FAM171A1: variants seen among roughly 807,000 people sequenced by gnomAD.
FAM171A1 encodes the protein family with sequence similarity 171 member A1, also known as protein FAM171A1.
FAM171A1 carries 23 observed loss-of-function variants against 74.9 expected under a neutral mutation model. The ratio of observed to expected loss-of-function variants is 0.31; its 90% confidence interval spans 0.22 to 0.44. The LOEUF (loss-of-function observed/expected upper bound fraction) is 0.44, where lower values mean the gene tolerates loss of function less well. Ranked by LOEUF, FAM171A1 falls within the 20% of genes least tolerant of loss-of-function variation. FAM171A1 has a pLI of 1.00. For missense variants in FAM171A1, 1,162 were observed against 1,159.2 expected (o/e 1.00, Z -0.03); for synonymous variants, 527 against 505.7 (o/e 1.04, Z -0.57).
intron 1 of FAM171A1, among the ~76,000 whole-genome samples, chr10:15,362,804 A>C (rs773400631): frequency 2.0e-5 from 3 of 152,222 alleles, no homozygotes; most frequent in African/African-American, 4.8e-5. Context: ...AGTGGGTTTC[A>C]TCTGAATCAA....
At chr10:15,259,990 T>C (rs955401193) in intron 3 of FAM171A1, among the ~76,000 whole-genome samples, 1 of 152,004 alleles carries the variant, frequency 6.6e-6, no homozygotes, top group African/African-American at 2.4e-5. Flanking sequence ...AACACCTGGC[T>C]AATTTTTATA....
intron 1 of FAM171A1, among the ~76,000 whole-genome samples, chr10:15,359,541 T>C (rs1019352615): frequency 1.3e-5 from 2 of 152,120 alleles, no homozygotes; most frequent in African/African-American, 4.8e-5. Context: ...CCTCGACATT[T>C]TAGCTGGGCA....
chr10:15,296,606 A>G (rs1835163836), intron 1 of FAM171A1, among the ~76,000 whole-genome samples: 1 of 152,226 alleles, frequency 6.6e-6, no homozygotes, highest in Non-Finnish European at 1.5e-5. Context: ...TACGCTGGGC[A>G]CTAGAACCCC....
intron 1 of FAM171A1, among the ~76,000 whole-genome samples, chr10:15,347,818 G>C (rs1450136169): frequency 8.8e-6 from 1 of 114,144 alleles, no homozygotes; most frequent in Non-Finnish European, 1.6e-5. Context: ...CTGGGCAACA[G>C]AGCGAGACTC....
At chr10:15,269,970 A>G (rs905781073) in intron 3 of FAM171A1, among the ~76,000 whole-genome samples, 15 of 152,192 alleles carry the variant, frequency 9.9e-5, no homozygotes, top group Non-Finnish European at 4.4e-5. Flanking sequence ...ACAGCTCCCA[A>G]GGTGAGCGAT....
intron 5 of FAM171A1, among the ~76,000 whole-genome samples, chr10:15,229,504 CCAT>C (rs1259886997): frequency 2.0e-5 from 3 of 148,546 alleles, no homozygotes; most frequent in Admixed American, 1.3e-4. Context: ...ATCACCAACA[CCAT>C]CATCACCATT....
intron 1 of FAM171A1, among the ~76,000 whole-genome samples, chr10:15,349,152 A>G (rs539333288): frequency 3.3e-5 from 5 of 152,280 alleles, no homozygotes; most frequent in Middle Eastern, 3.4e-3. Context: ...AGTCCCTTAG[A>G]TCATTATCCA....
intron 1 of FAM171A1, among the ~76,000 whole-genome samples, chr10:15,357,868 T>C (rs1398804120): frequency 6.6e-6 from 1 of 152,200 alleles, no homozygotes; most frequent in Non-Finnish European, 1.5e-5. Context: ...ATGACTGACA[T>C]TTTCATGAGA....
At chr10:15,262,966 C>T (rs1024653101) in intron 3 of FAM171A1, among the ~76,000 whole-genome samples, 1 of 152,166 alleles carries the variant, frequency 6.6e-6, no homozygotes, top group African/African-American at 2.4e-5. Flanking sequence ...GCCACCAGGG[C>T]CCTCCTGGGA....
chr10:15,271,260 C>T (rs1834821249), intron 3 of FAM171A1, among the ~76,000 whole-genome samples: 1 of 152,054 alleles, frequency 6.6e-6, no homozygotes, highest in Non-Finnish European at 1.5e-5. Context: ...GTAGCAGATT[C>T]AATCAAGTAG....
Position 15,212,917 on chromosome 10 carries a change from A to T in FAM171A1, c.2671T>A (p.Ter891ArgextTer11). 6.2e-7 allele frequency: 1 copy of T among 1,613,802 alleles called. No individual in the cohort carries two copies. The highest frequency in any genetic ancestry group is 1.1e-5 in the South Asian group (1 of 91,024). ...ERPLMAFNIK[*>R] ...CAGTCAGGTGGGTCTGCGATAGCTC[A>T]TTTAATGTTAAACGCCATCAGGGGC... The change falls in exon 8 of 8, where the codon TGA (stop) becomes AGA (arginine). Residue 891 changes from the stop codon to arginine (R), a stop_lost. Coordinates refer to ENST00000378116, the MANE Select transcript of FAM171A1 (RefSeq NM_001010924.2).
At chr10:15,315,896 C>A (rs927579673) in intron 1 of FAM171A1, among the ~76,000 whole-genome samples, 2 of 152,084 alleles carry the variant, frequency 1.3e-5, no homozygotes, top group African/African-American at 4.8e-5. Context: ...TATAAAGAAA[C>A]AGAAAGAAAA....
intron 1 of FAM171A1, among the ~76,000 whole-genome samples, chr10:15,363,007 C>T (rs77353251): frequency 6.2e-4 from 95 of 152,322 alleles, no homozygotes; most frequent in African/African-American, 1.9e-3. Context: ...GTATTTAGCA[C>T]ACTGTCTTCA....
chr10:15,220,540 G>A (rs1242275013), intron 6 of FAM171A1, among the ~76,000 whole-genome samples: 1 of 152,144 alleles, frequency 6.6e-6, no homozygotes, highest in Non-Finnish European at 1.5e-5. Context: ...TGCCCCACCA[G>A]GCTTTTTGCC....
At chr10:15,362,903 T>C (rs1836013319) in intron 1 of FAM171A1, among the ~76,000 whole-genome samples, 1 of 152,210 alleles carries the variant, frequency 6.6e-6, no homozygotes, top group Admixed American at 6.5e-5. Context: ...CCAATAGGAT[T>C]GTAAACTTTC....
At chr10:15,272,718 A>G (rs1207053189) in intron 3 of FAM171A1, among the ~76,000 whole-genome samples, 1 of 152,210 alleles carries the variant, frequency 6.6e-6, no homozygotes, top group Non-Finnish European at 1.5e-5. Context: ...CAATCAAACT[A>G]GAACTCAGGA....
chr10:15,285,849 G>A (rs1835029410), intron 1 of FAM171A1, among the ~76,000 whole-genome samples: 1 of 152,212 alleles, frequency 6.6e-6, no homozygotes, highest in Non-Finnish European at 1.5e-5. Flanking sequence ...AGGCTGGCTG[G>A]GTACAGAGCA....
intron 1 of FAM171A1, among the ~76,000 whole-genome samples, chr10:15,313,635 T>C (rs1179098907): frequency 2.0e-5 from 3 of 152,206 alleles, no homozygotes; most frequent in Non-Finnish European, 4.4e-5. Flanking sequence ...TCGTGAGTTT[T>C]TGCAGATTTC....
chr10:15,355,322 A>G lies in FAM171A1; in HGVS notation c.97+15634T>C, dbSNP rs370751247. On this transcript the variant is annotated intron_variant, in intron 1 of 7. Transcript: ENST00000378116. The stretch of plus-strand genomic sequence containing the variant: ...ACTCCTGGGCTCAAGTGATTCGCCC[A>G]CTTCAGCCTCCCAAGGTATTGGGAC... Among the ~76,000 whole-genome samples, 15 of 152,256 alleles carry G rather than the reference A, an allele frequency of 9.9e-5. 1 individual carries two copies. Among genetic ancestry groups the G allele is most frequent in the African/African-American group, 3.4e-4 (14 of 41,554 alleles).
Sources: gnomAD v4.1 joint callset for allele counts (sites outside exome capture counted in the v4.1 genomes callset) on GRCh38, gnomAD v4.1.1 for gene constraint, MANE v1.5 for transcripts, NCBI Gene and HGNC (gene_info 2026-07-23, HGNC 2026-07-21) for gene names.